Variants in HYDIN observed in about 807,000 individuals in gnomAD.
HYDIN encodes the protein HYDIN axonemal central pair apparatus protein, also known as axonemal central pair apparatus protein HYDIN.
Under a neutral mutation model 403.9 loss-of-function variants are expected in HYDIN, and 132 were observed. That is an observed-to-expected ratio of 0.33 (90% CI 0.28 to 0.38). HYDIN has a LOEUF of 0.38. HYDIN is among the 10% of genes least tolerant of loss of function. HYDIN has a pLI of 1.00. For synonymous variants in HYDIN, 1,202 were observed against 1,891.7 expected (o/e 0.64, Z 9.46); for missense variants, 2,827 against 5,009.5 (o/e 0.56, Z 13.15).
At chr16:70,943,585 T>C (rs935529407) in intron 42 of HYDIN, among the ~76,000 whole-genome samples, 2 of 152,198 alleles carry the variant, frequency 1.3e-5, no homozygotes, top group Admixed American at 6.5e-5. Flanking sequence ...AAAAAAACTT[T>C]TGTGTAGTCT....
At chr16:70,865,019 C>G (rs1019900259) in intron 67 of HYDIN, 2 of 182,650 alleles carry the variant, frequency 1.1e-5, no homozygotes, top group African/African-American at 4.8e-5. Context: ...TCTTTTGGTT[C>G]TATCGTAATT....
At chr16:71,053,702 G>T (rs1406076646) in intron 18 of HYDIN, among the ~76,000 whole-genome samples, 3 of 147,342 alleles carry the variant, frequency 2.0e-5, no homozygotes, top group Non-Finnish European at 3.0e-5. Flanking sequence ...TTCATGATAC[G>T]GTTGCCTATG....
At chr16:70,886,194 G>T (rs979378741) in intron 58 of HYDIN, among the ~76,000 whole-genome samples, 3 of 152,000 alleles carry the variant, frequency 2.0e-5, no homozygotes, top group African/African-American at 7.3e-5. Context: ...ACCCGGAACA[G>T]CAAGACTTCG....
intron 5 of HYDIN, among the ~76,000 whole-genome samples, chr16:71,167,782 G>A (rs2086291593): frequency 6.6e-6 from 1 of 151,808 alleles, no homozygotes; most frequent in African/African-American, 2.4e-5. Flanking sequence ...TGCTCTGCTG[G>A]CTTACAATTA....
At chr16:70,835,632 C>T (rs1407024968) in intron 78 of HYDIN, 44 bp downstream of exon 78, 4 of 608,010 alleles carry the variant, frequency 6.6e-6, no homozygotes, top group Non-Finnish European at 1.2e-5. Flanking sequence ...TCCTCATCAT[C>T]AGGGAGCATG....
intron 4 of HYDIN, among the ~76,000 whole-genome samples, chr16:71,178,287 C>T (rs1370430061): frequency 5.3e-5 from 8 of 151,612 alleles, no homozygotes; most frequent in Admixed American, 2.0e-4. Context: ...CGTGTGGTGG[C>T]GCATGCCTGT....
chr16:70,836,936 G>C (rs2037467114), intron 77 of HYDIN, among the ~76,000 whole-genome samples: 4 of 152,262 alleles, frequency 2.6e-5, no homozygotes, highest in Admixed American at 2.6e-4. Context: ...AGACACATTA[G>C]CTGGTAATGT....
intron 6 of HYDIN, among the ~76,000 whole-genome samples, chr16:71,158,474 G>GA (rs1043222276): frequency 2.6e-5 from 4 of 150,992 alleles, no homozygotes; most frequent in African/African-American, 7.3e-5. Context: ...ACATTTACAT[G>GA]AATCTAAAAT....
intron 23 of HYDIN, among the ~76,000 whole-genome samples, chr16:71,012,639 C>A (rs189626297): frequency 6.6e-6 from 1 of 152,142 alleles, no homozygotes. Context: ...AGTGTCTAGG[C>A]GACCTCAGAC....
In HYDIN at chr16:71,188,048, G is replaced by GT. The variant is rs761244831; in HGVS notation, c.-23-1131dup. On this transcript the variant is annotated intron_variant, in intron 1 of 85. Coordinates refer to ENST00000393567, the MANE Select transcript of HYDIN (RefSeq NM_001270974.2). ...TCAAACAACACAAGGCCCAGACTGC[G>GT]TAAGAACTATTATTATAGCCCCACC... 1.3e-3 allele frequency among the ~76,000 whole-genome samples: 192 copies of GT among 152,252 alleles called. 1 individual carries two copies. The highest frequency in any genetic ancestry group is 2.2e-3 in the Non-Finnish European group (152 of 68,006).
chr16:70,897,144 A>G (rs1367935574), intron 53 of HYDIN, among the ~76,000 whole-genome samples: 4 of 152,080 alleles, frequency 2.6e-5, no homozygotes, highest in Admixed American at 1.3e-4. Flanking sequence ...AACTCAATCA[A>G]ATCAACAAAA....
At chr16:70,888,742 G>T (rs918225141) in intron 58 of HYDIN, among the ~76,000 whole-genome samples, 1 of 152,134 alleles carries the variant, frequency 6.6e-6, no homozygotes, top group Non-Finnish European at 1.5e-5. Context: ...ACGCCACCCT[G>T]GCAAGGGGGT....
intron 45 of HYDIN, among the ~76,000 whole-genome samples, chr16:70,930,563 G>A (rs562556653): frequency 6.6e-6 from 1 of 152,320 alleles, no homozygotes; most frequent in African/African-American, 2.4e-5. Context: ...AGAGCCTCCA[G>A]AGAGTGAAAG....
At chr16:71,198,392 A>G (rs1413425061) in intron 1 of HYDIN, among the ~76,000 whole-genome samples, 1 of 152,192 alleles carries the variant, frequency 6.6e-6, no homozygotes, top group Non-Finnish European at 1.5e-5. Flanking sequence ...AAACTGCTAG[A>G]TCATAGAGTA....
chr16:71,074,174 CA>C (rs1409489799), intron 13 of HYDIN, among the ~76,000 whole-genome samples: 3 of 151,904 alleles, frequency 2.0e-5, no homozygotes, highest in African/African-American at 7.3e-5. Context: ...TTAGCCTCTG[CA>C]AACCTTTTTA....
At chr16:71,214,663 G>A (rs1178054719) in intron 1 of HYDIN, among the ~76,000 whole-genome samples, 2 of 152,122 alleles carry the variant, frequency 1.3e-5, no homozygotes, top group Non-Finnish European at 2.9e-5. Flanking sequence ...CTTGACCAGT[G>A]GGAGACAGAC....
chr16:71,139,095 G>GAAAA (rs71758936), intron 7 of HYDIN, among the ~76,000 whole-genome samples: 58 of 103,762 alleles, frequency 5.6e-4, no homozygotes, highest in East Asian at 2.7e-3. Flanking sequence ...AAATAAAGAA[G>GAAAA]AAAAAAAAAA....
intron 45 of HYDIN, among the ~76,000 whole-genome samples, chr16:70,927,041 T>C (rs1434172348): frequency 6.6e-6 from 1 of 152,182 alleles, no homozygotes; most frequent in Non-Finnish European, 1.5e-5. Flanking sequence ...ATTGGAATCC[T>C]AGACGGAGAG....
intron 57 of HYDIN, among the ~76,000 whole-genome samples, chr16:70,890,757 T>C (rs372567288): frequency 6.6e-6 from 1 of 152,074 alleles, no homozygotes; most frequent in Non-Finnish European, 1.5e-5. Context: ...TTGAAGAACA[T>C]GGAGTTTTGC....
Sources: gnomAD v4.1 joint callset for allele counts (sites outside exome capture counted in the v4.1 genomes callset) on GRCh38, gnomAD v4.1.1 for gene constraint, MANE v1.5 for transcripts, NCBI Gene and HGNC (gene_info 2026-07-23, HGNC 2026-07-21) for gene names.